SMAD1: variants seen among roughly 807,000 people sequenced by gnomAD.
SMAD1 encodes the protein MAD, mothers against decapentaplegic homolog 1.
In SMAD1, 6 loss-of-function variants were observed where a neutral mutation model predicts 41.6. That is an observed-to-expected ratio of 0.14 (90% CI 0.08 to 0.28). The LOEUF (loss-of-function observed/expected upper bound fraction) is 0.28. Ranked by LOEUF, SMAD1 falls within the 10% of genes least tolerant of loss-of-function variation. The pLI is 1.00. For synonymous variants in SMAD1, 206 were observed against 203.2 expected (o/e 1.01, Z -0.12); for missense variants, 379 against 582.6 (o/e 0.65, Z 3.60).
At chr4:145,539,463 C>CAATT in intron 2 of SMAD1, among the ~76,000 whole-genome samples, 1 of 152,230 alleles carries the variant, frequency 6.6e-6, no homozygotes, top group African/African-American at 2.4e-5. Context: ...TGGTGATAAA[C>CAATT]AATTATGCTT....
intron 2 of SMAD1, among the ~76,000 whole-genome samples, chr4:145,515,326 C>T (rs528232407): frequency 6.6e-6 from 1 of 152,124 alleles, no homozygotes; most frequent in East Asian, 1.9e-4. Context: ...TGTTTTCTTT[C>T]TAAATTTATT....
chr4:145,508,107 A>G (rs921573878), intron 1 of SMAD1, among the ~76,000 whole-genome samples: 2 of 145,710 alleles, frequency 1.4e-5, no homozygotes, highest in African/African-American at 2.5e-5. Context: ...TGCTCCCAGT[A>G]TGAAGAAATC....
At chr4:145,503,338 C>T (rs1011105360) in intron 1 of SMAD1, among the ~76,000 whole-genome samples, 1 of 152,138 alleles carries the variant, frequency 6.6e-6, no homozygotes, top group Non-Finnish European at 1.5e-5. Flanking sequence ...GGTTTAAATA[C>T]ATTTTTCCCC....
rs1287147337 is a variant in SMAD1, at chr4:145,559,152, CATT to C, written c.*1222_*1224del. On this transcript the variant is annotated 3_prime_UTR_variant, in exon 7 of 7. Coordinates refer to ENST00000302085, the MANE Select transcript of SMAD1 (RefSeq NM_005900.3). ...TACTGGAAATTTTCAATAAACCTGT[CATT>C]ATTGCTTACTTTGATTAAAAATTTG... 2.0e-5 allele frequency among the ~76,000 whole-genome samples: 3 copies of C among 152,026 alleles called. No individual in the cohort carries two copies. Among genetic ancestry groups the C allele is most frequent in the African/African-American group, 7.3e-5 (3 of 41,368 alleles).
intron 4 of SMAD1, 115 bp from the exon 5 acceptor site, chr4:145,546,588 A>T: frequency 1.3e-6 from 1 of 748,626 alleles, no homozygotes. Context: ...TTATAATAGC[A>T]ATTGCTTTTC....
At chr4:145,522,773 G>A (rs1046433051) in intron 2 of SMAD1, among the ~76,000 whole-genome samples, 69 of 151,710 alleles carry the variant, frequency 4.5e-4, no homozygotes, top group African/African-American at 1.6e-3. Flanking sequence ...TCTGCCTCCC[G>A]GGTTCAAACA....
chr4:145,540,209 T>C (rs1188476833), intron 3 of SMAD1, 148 bp downstream of exon 3: 9 of 840,858 alleles, frequency 1.1e-5, no homozygotes, highest in Non-Finnish European at 1.6e-5. Flanking sequence ...ATACAACTTT[T>C]GGTGAAAGGA....
chr4:145,546,866 G>C lies in SMAD1; in HGVS notation c.939G>C (p.Leu313=), dbSNP rs1217497354. Residue 313 remains leucine (L), a synonymous_variant, in exon 5 of 7, where the codon CTG becomes CTC. Transcript: ENST00000302085. ...ATAAGAACCGTTTCTGCCTTGGGCT[G>C]CTCTCCAATGTTAACCGGAATTCCA... ...SNNKNRFCLG[L]LSNVNRNSTI... 1.9e-6 allele frequency: 3 copies of C among 1,614,046 alleles called. No individual in the cohort carries two copies. The highest frequency in any genetic ancestry group is 1.7e-6 in the Non-Finnish European group (2 of 1,180,016).
chr4:145,555,334 ATTG>A (rs2126561091), intron 6 of SMAD1, among the ~76,000 whole-genome samples: 2 of 152,278 alleles, frequency 1.3e-5, no homozygotes, highest in South Asian at 4.1e-4. Context: ...GTTTTTGTTT[ATTG>A]TTTTAATTGG....
intron 2 of SMAD1, among the ~76,000 whole-genome samples, chr4:145,535,611 G>A (rs558832514): frequency 1.3e-5 from 2 of 152,220 alleles, no homozygotes; most frequent in African/African-American, 2.4e-5. Context: ...AAATAAGAAA[G>A]CATCCATTTA....
chr4:145,519,296 A>G lies in SMAD1; in HGVS notation c.400+4283A>G, dbSNP rs1296024441. Among the ~76,000 whole-genome samples the G allele has an allele frequency of 1.2e-4, 8 of 69,518 alleles. 1 individual carries two copies. The highest frequency in any genetic ancestry group is 9.8e-4 in the Admixed American group (8 of 8,200). 45.6% of individuals were successfully genotyped at this position (69,518 alleles called of 152,430 possible). On this transcript the variant is annotated intron_variant, in intron 2 of 6. Coordinates refer to ENST00000302085, the MANE Select transcript of SMAD1 (RefSeq NM_005900.3). ...TTTTTAGTAAAGATGGGGTTTTACC[A>G]TGTTGGCCACGCTGGTCTCGAAGTC...
chr4:145,505,999 A>G (rs1286467073), intron 1 of SMAD1, among the ~76,000 whole-genome samples: 2 of 151,932 alleles, frequency 1.3e-5, no homozygotes, highest in African/African-American at 2.4e-5. Flanking sequence ...GTACACCACT[A>G]TGCCCGGCTT....
intron 1 of SMAD1, chr4:145,498,087 G>A (rs1400983114): frequency 6.6e-6 from 1 of 152,140 alleles, no homozygotes. Flanking sequence ...AAAAGGACAG[G>A]ACCAAATTGC....
At chr4:145,524,664 G>T (rs1437367172) in intron 2 of SMAD1, among the ~76,000 whole-genome samples, 1 of 151,978 alleles carries the variant, frequency 6.6e-6, no homozygotes, top group Non-Finnish European at 1.5e-5. Context: ...TGCAGTATTA[G>T]GTGGGCAAGA....
chr4:145,538,167 T>C (rs1731721900), intron 2 of SMAD1, among the ~76,000 whole-genome samples: 1 of 152,186 alleles, frequency 6.6e-6, no homozygotes, highest in East Asian at 1.9e-4. Context: ...GAAAAGGGAA[T>C]GTTTGTCATT....
intron 1 of SMAD1, among the ~76,000 whole-genome samples, chr4:145,490,246 G>T (rs144882565): frequency 1.3e-5 from 2 of 152,296 alleles, no homozygotes; most frequent in East Asian, 1.9e-4. Flanking sequence ...GTTGACCGTG[G>T]TAAGGAGGGA....
At position 145,514,514 on chromosome 4, in the gene SMAD1, G is replaced by A. The variant is rs112476958; in HGVS notation, c.-100G>A. On this transcript the variant is annotated 5_prime_UTR_variant, in exon 2 of 7. Coordinates refer to ENST00000302085, the MANE Select transcript of SMAD1 (RefSeq NM_005900.3). The surrounding 1 kb of genome is among the most constrained non-coding windows in gnomAD (Gnocchi z 4.7). ...CTGGACTTCAAACTAAGAAGTTAAAGAGACTTCTCTGTAAATAAACAAATC... is the reference window on the plus strand; with the variant it reads ...CTGGACTTCAAACTAAGAAGTTAAAAAGACTTCTCTGTAAATAAACAAATC... 5 of 1,178,886 alleles carry A rather than the reference G, an allele frequency of 4.2e-6. No individual in the cohort carries two copies. In the Admixed American group the frequency reaches 1.0e-4, roughly 23 times the overall value. The allele number at this position is 1,178,886 out of a possible 1,614,324, so 73.0% of individuals were successfully genotyped here. A position where few individuals can be genotyped will look rare whatever the true frequency, so the allele number is the denominator to read the frequency against.
rs535010372 is a variant in SMAD1, at chr4:145,558,243, C to G, written c.*309C>G. Among the ~76,000 whole-genome samples, 1 of 152,252 alleles carries G rather than the reference C, an allele frequency of 6.6e-6. No homozygotes were observed. Among genetic ancestry groups the G allele is most frequent in the South Asian group, 2.1e-4 (1 of 4,822 alleles). On this transcript the variant is annotated 3_prime_UTR_variant, in exon 7 of 7. Coordinates refer to ENST00000302085, the MANE Select transcript of SMAD1 (RefSeq NM_005900.3). ...GATGGCCAAGCCAGGGACAAATTGT[C>G]TATTAGAAAACGGTCCTAAGAGATT... is the stretch of plus-strand genomic sequence containing the variant.
intron 1 of SMAD1, among the ~76,000 whole-genome samples, chr4:145,484,358 T>C (rs547387563): frequency 6.6e-6 from 1 of 152,328 alleles, no homozygotes; most frequent in South Asian, 2.1e-4. Flanking sequence ...TTCAACCTGC[T>C]TGAGATCTTA....
Sources: allele counts gnomAD v4.1 joint callset (sites outside exome capture counted in the v4.1 genomes callset), GRCh38; gene constraint gnomAD v4.1.1; non-coding constraint Gnocchi (gnomAD v3.1); transcripts MANE v1.5; gene names NCBI Gene and HGNC (gene_info 2026-07-23, HGNC 2026-07-21).